The following ARHGAP32 variants were observed in gnomAD, a reference collection of about 807,000 sequenced individuals.
ARHGAP32 encodes the protein rho GTPase-activating protein 32.
ARHGAP32 carries 51 observed loss-of-function variants against 186.5 expected under a neutral mutation model. The ratio of observed to expected loss-of-function variants is 0.27; its 90% confidence interval spans 0.22 to 0.35. The LOEUF is 0.35. Among genes scored for constraint, ARHGAP32 ranks in the 10% least tolerant of loss-of-function variants. The pLI is 1.00. For missense variants in ARHGAP32, 2,186 were observed against 2,623.5 expected (o/e 0.83, Z 3.64); for synonymous variants, 950 against 964.3 (o/e 0.99, Z 0.27).
chr11:128,976,654 T>A lies in ARHGAP32; in HGVS notation c.2123-20A>T. 6.3e-7 allele frequency: 1 copy of A among 1,598,022 alleles called. No homozygotes were observed. Among genetic ancestry groups the A allele is most frequent in the African/African-American group, 1.3e-5 (1 of 74,702 alleles). On this transcript the variant is annotated intron_variant, in intron 19 of 22. Coordinates refer to ENST00000682385, the MANE Select transcript of ARHGAP32 (RefSeq NM_001378024.1). ...TGCCACCTGAAGAATAAAAAACACA[T>A]AGTGTGAAGATTTCTTATTTGTTAC...
At position 128,988,084 on chromosome 11, in the gene ARHGAP32, A is replaced by C; in HGVS notation, c.1237T>G (p.Tyr413Asp). ...LQSCTAFIER[Y>D]GIVDGIYRLS... Reference sequence around the variant, plus strand: ...CGATAGATTCCATCCACGATGCCATATCTCTCAATGAATGCTGTGCAGCTT... The same window carrying C: ...CGATAGATTCCATCCACGATGCCATCTCTCTCAATGAATGCTGTGCAGCTT... The change falls in exon 13 of 23, where the codon TAT (tyrosine) becomes GAT (aspartate). Residue 413 changes from tyrosine to aspartate, a missense_variant. Physicochemically the swap from Tyr to Asp is radical, Grantham distance 160 (BLOSUM62 -3). This residue lies in a region of ARHGAP32 where 308 missense variants were observed against 596.5 expected (regional missense o/e 0.52). Coordinates refer to ENST00000682385, the MANE Select transcript of ARHGAP32 (RefSeq NM_001378024.1). 3 of 1,613,562 alleles carry C rather than the reference A, an allele frequency of 1.9e-6. No homozygotes were observed. Among genetic ancestry groups the C allele is most frequent in the Non-Finnish European group, 2.5e-6 (3 of 1,179,632 alleles).
At chr11:129,257,964 T>C (rs1026388393) in intron 1 of ARHGAP32, among the ~76,000 whole-genome samples, 1 of 152,174 alleles carries the variant, frequency 6.6e-6, no homozygotes, top group Non-Finnish European at 1.5e-5. Context: ...TACCTAATAT[T>C]TTCCATATTC....
intron 1 of ARHGAP32, among the ~76,000 whole-genome samples, chr11:129,186,232 C>T (rs953289640): frequency 1.3e-5 from 2 of 152,066 alleles, no homozygotes; most frequent in Admixed American, 6.6e-5. Context: ...AGGTCTATAT[C>T]GTTTGTGTAC....
chr11:128,986,711 AG>A, intron 13 of ARHGAP32, 43 bp from the exon 14 acceptor site: 1 of 1,597,024 alleles, frequency 6.3e-7, no homozygotes, highest in Non-Finnish European at 8.6e-7. Flanking sequence ...TTGATTGAGG[AG>A]AGCAAATATG....
At chr11:129,060,731 AG>A (rs1232154476) in intron 10 of ARHGAP32, among the ~76,000 whole-genome samples, 1 of 152,206 alleles carries the variant, frequency 6.6e-6, no homozygotes, top group African/African-American at 2.4e-5. Context: ...CTTTCATAAT[AG>A]GGAAAGGGAT....
intron 6 of ARHGAP32, among the ~76,000 whole-genome samples, chr11:129,071,638 T>G (rs1271721470): frequency 1.3e-5 from 2 of 152,146 alleles, no homozygotes; most frequent in Non-Finnish European, 2.9e-5. Flanking sequence ...TACAGCCATT[T>G]TGGAAAACTA....
intron 2 of ARHGAP32, among the ~76,000 whole-genome samples, chr11:129,159,293 G>T (rs1024831306): frequency 6.6e-6 from 1 of 151,944 alleles, no homozygotes; most frequent in Non-Finnish European, 1.5e-5. Flanking sequence ...TAGCAAAATG[G>T]ATAGACTGCT....
intron 10 of ARHGAP32, among the ~76,000 whole-genome samples, chr11:129,060,970 G>A (rs956809090): frequency 4.7e-5 from 7 of 149,978 alleles, no homozygotes; most frequent in Non-Finnish European, 1.0e-4. Context: ...ATTTGCCCGA[G>A]ACAACACAGG....
chr11:129,010,386 G>A (rs568983531), intron 11 of ARHGAP32, among the ~76,000 whole-genome samples: 1 of 152,188 alleles, frequency 6.6e-6, no homozygotes, highest in South Asian at 2.1e-4. Flanking sequence ...GTCCTGAATG[G>A]TATTGCCCAG....
chr11:129,203,986 ATATG>A (rs1464008412), intron 1 of ARHGAP32, among the ~76,000 whole-genome samples: 38 of 148,062 alleles, frequency 2.6e-4, no homozygotes, highest in African/African-American at 7.1e-4. Flanking sequence ...ACATATATAC[ATATG>A]TATGTATAAT....
chr11:129,085,795 C>CTT (rs1941369713), intron 6 of ARHGAP32, among the ~76,000 whole-genome samples: 2 of 151,954 alleles, frequency 1.3e-5, no homozygotes, highest in African/African-American at 4.8e-5. Flanking sequence ...AGCTTGACAC[C>CTT]ATCCTGGCTA....
intron 21 of ARHGAP32, 196 bp downstream of exon 21, chr11:128,973,928 G>A (rs1945468436): frequency 8.1e-6 from 5 of 615,230 alleles, no homozygotes; most frequent in Non-Finnish European, 1.4e-5. Context: ...TTTGAAGCAG[G>A]ACCATTGGCC....
At chr11:129,206,802 C>T (rs1591696664) in intron 1 of ARHGAP32, among the ~76,000 whole-genome samples, 2 of 150,782 alleles carry the variant, frequency 1.3e-5, no homozygotes, top group Non-Finnish European at 2.9e-5. Context: ...ATGTGCAGAA[C>T]GTGTAGGTTT....
At chr11:129,237,748 C>T (rs1944955250) in intron 1 of ARHGAP32, among the ~76,000 whole-genome samples, 1 of 152,104 alleles carries the variant, frequency 6.6e-6, no homozygotes, top group Non-Finnish European at 1.5e-5. Context: ...GCAGGGCTTT[C>T]CAAGCTATGC....
intron 20 of ARHGAP32, 100 bp from the exon 21 acceptor site, chr11:128,975,102 G>T: frequency 2.1e-6 from 2 of 932,052 alleles, no homozygotes; most frequent in Non-Finnish European, 3.2e-6. Context: ...CTATCTAGGT[G>T]AAGGAAGTGT....
upstream of ARHGAP32, among the ~76,000 whole-genome samples, chr11:129,193,256 G>C (rs1473769777): frequency 7.9e-6 from 1 of 126,638 alleles, no homozygotes; most frequent in Non-Finnish European, 1.6e-5. Flanking sequence ...TGCATCACTT[G>C]AGCTCAAGAG....
chr11:129,063,573 A>G (rs1565403532), intron 9 of ARHGAP32, among the ~76,000 whole-genome samples: 2 of 152,136 alleles, frequency 1.3e-5, no homozygotes, highest in African/African-American at 2.4e-5. Flanking sequence ...ATTAAATATA[A>G]TAAGTGATAT....
intron 11 of ARHGAP32, among the ~76,000 whole-genome samples, chr11:129,006,490 T>C (rs1474730766): frequency 6.6e-6 from 1 of 152,246 alleles, no homozygotes; most frequent in African/African-American, 2.4e-5. Flanking sequence ...GTAGAGGTAC[T>C]GCCTTGGTGG....
chr11:129,028,301 A>C (rs189402908), intron 11 of ARHGAP32, among the ~76,000 whole-genome samples: 277 of 152,324 alleles, frequency 1.8e-3, no homozygotes, highest in African/African-American at 6.5e-3. Flanking sequence ...CCTTCACACA[A>C]AAAAATGGTA....
Sources: gnomAD v4.1 joint callset for allele counts (sites outside exome capture counted in the v4.1 genomes callset) on GRCh38, gnomAD v4.1.1 for gene constraint, gnomAD v4.1.1 regional missense constraint, MANE v1.5 for transcripts, NCBI Gene and HGNC (gene_info 2026-07-23, HGNC 2026-07-21) for gene names.